The following MKI67 variants were observed in gnomAD, a reference collection of about 807,000 sequenced individuals.
MKI67 encodes the protein marker of proliferation Ki-67.
A neutral mutation model predicts 233.5 loss-of-function variants in MKI67; 152 were observed. The ratio of observed to expected loss-of-function variants is 0.65; its 90% CI spans 0.57 to 0.74. MKI67 has a LOEUF of 0.74. MKI67 is among the 30% of genes least tolerant of loss of function. The pLI is 0.00. For missense variants in MKI67, 3,940 were observed against 3,885.2 expected (o/e 1.01, Z -0.37); for synonymous variants, 1,465 against 1,418.5 (o/e 1.03, Z -0.74).
chr10:128,113,192 GACA>G (rs1852720249), intron 8 of MKI67, among the ~76,000 whole-genome samples: 2 of 147,346 alleles, frequency 1.4e-5, no homozygotes, highest in Non-Finnish European at 3.0e-5. Flanking sequence ...GCACGAAAAG[GACA>G]ACATCAAGGA....
In MKI67 at chr10:128,115,343, T is replaced by C. The variant is rs1006323830; in HGVS notation, c.1065A>G (p.Gln355=). The C allele has an allele frequency of 1.2e-6, 2 of 1,614,166 alleles. No homozygotes were observed. Among genetic ancestry groups the C allele is most frequent in the Admixed American group, 3.3e-5 (2 of 60,014 alleles). The change falls in exon 7 of 15, where the codon CAA becomes CAG. Residue 355 remains glutamine, a synonymous_variant. Coordinates refer to ENST00000368654, the MANE Select transcript of MKI67 (RefSeq NM_002417.5). ...MKTPVQYSQQ[Q]NSPQKHKNKD... ...TGTTCTTATGTTTTTGTGGAGAATT[T>C]TGTTGCTGTGAATATTGTACAGGGG...
In MKI67 at chr10:128,124,992, A is replaced by AC. The variant is rs1297606013; in HGVS notation, c.92+583dup. 3.3e-5 allele frequency among the ~76,000 whole-genome samples: 5 copies of AC among 151,604 alleles called. No homozygotes were observed. The East Asian group carries it at 5.8e-4, about 18-fold the overall frequency. ...CTGGGAAATGACCACACGGGAAATG[A>AC]CCCCCCTTCTCAGGCCTCTAGTGGG... On this transcript the variant is annotated intron_variant, in intron 2 of 14. Coordinates refer to ENST00000368654, the MANE Select transcript of MKI67 (RefSeq NM_002417.5).
Position 128,109,360 on chromosome 10 carries a change from C to G in MKI67, c.2480G>C (p.Ser827Thr). Reference sequence around the variant, plus strand: ...AATACACTGCCGTCTTAAGGGAGGGCTTGCAGAGCATTTATCAGATGGCTG... The same window carrying G: ...AATACACTGCCGTCTTAAGGGAGGGGTTGCAGAGCATTTATCAGATGGCTG... ...AKQPSDKCSA[S>T]PPLRRQCIRE... Residue 827 changes from serine to threonine, a missense_variant, in exon 13 of 15, where the codon AGC (serine) becomes ACC (threonine). Transcript: ENST00000368654. 5.0e-6 allele frequency: 8 copies of G among 1,614,166 alleles called. No individual in the cohort carries two copies. The highest frequency in any genetic ancestry group is 6.8e-6 in the Non-Finnish European group (8 of 1,180,026).
chr10:128,117,034 T>C (rs994131984), intron 5 of MKI67, among the ~76,000 whole-genome samples: 1 of 152,234 alleles, frequency 6.6e-6, no homozygotes, highest in Non-Finnish European at 1.5e-5. Context: ...AAAGTACTTA[T>C]TAGCTGACTC....
chr10:128,114,550 A>G (rs1418325210), intron 7 of MKI67, among the ~76,000 whole-genome samples: 1 of 151,580 alleles, frequency 6.6e-6, no homozygotes, highest in African/African-American at 2.4e-5. Flanking sequence ...ATTCCACATG[A>G]CCAAACTCAT....
In MKI67 at chr10:128,103,330, C is replaced by G. The variant is rs746499946; in HGVS notation, c.8510G>C (p.Ser2837Thr). 5 of 1,614,098 alleles carry G rather than the reference C, an allele frequency of 3.1e-6. No individual in the cohort carries two copies. The highest frequency in any genetic ancestry group is 1.1e-5 in the South Asian group (1 of 91,078). ...SSPELEDTAT[S>T]SKRRPRTRAQ... is the part of the protein sequence containing the mutation. Reference sequence around the variant, plus strand: ...ACGTGTCCTGGGCCGTCTCTTTGAGCTTGTTGCGGTGTCTTCTAGTTCTGG... The same window carrying G: ...ACGTGTCCTGGGCCGTCTCTTTGAGGTTGTTGCGGTGTCTTCTAGTTCTGG... The change falls in exon 13 of 15, where the codon AGC becomes ACC. Residue 2837 changes from serine to threonine, a missense_variant. Physicochemically the swap from Ser to Thr is moderately conservative, Grantham distance 58. Transcript: ENST00000368654.
intron 4 of MKI67, among the ~76,000 whole-genome samples, chr10:128,119,984 G>A (rs965786731): frequency 6.6e-6 from 1 of 152,164 alleles, no homozygotes; most frequent in Non-Finnish European, 1.5e-5. Flanking sequence ...TCAGTGAAAT[G>A]ACCTGATTTG....
At position 128,119,259 on chromosome 10, in the gene MKI67, A is replaced by G. The variant is rs763760954; in HGVS notation, c.348T>C (p.Arg116=). The G allele has an allele frequency of 4.5e-5, 72 of 1,603,806 alleles. No homozygotes were observed. The highest frequency in any genetic ancestry group is 6.1e-5 in the Non-Finnish European group (72 of 1,171,074). The change falls in exon 5 of 15, where the codon CGT becomes CGC. Residue 116 remains arginine, a synonymous_variant. Coordinates refer to ENST00000368654, the MANE Select transcript of MKI67 (RefSeq NM_002417.5). ...RKSTEFPRKI[R]EQEPARRVSR... ...CTTGGATATTTTCTATCACCTGTTC[A>G]CGTATTTTTCTTGGAAATTCAGTTG...
In MKI67 at chr10:128,103,806, G is replaced by T; in HGVS notation, c.8034C>A (p.Asp2678Glu). The T allele has an allele frequency of 3.7e-6, 6 of 1,613,588 alleles. No individual in the cohort carries two copies. Among genetic ancestry groups the T allele is most frequent in the Admixed American group, 1.7e-5 (1 of 59,980 alleles). Reference sequence around the variant, plus strand: ...CAGAGAGCTCTGTGAAGCCGGCCAGGTCTTCCAGGGGTTGGGCCTTTTCCT... The same window carrying T: ...CAGAGAGCTCTGTGAAGCCGGCCAGTTCTTCCAGGGGTTGGGCCTTTTCCT... ...APKEKAQPLE[D>E]LAGFTELSET... is the part of the protein sequence containing the mutation. The change falls in exon 13 of 15, where the codon GAC becomes GAA. Residue 2678 changes from aspartate to glutamate, a missense_variant. Coordinates refer to ENST00000368654, the MANE Select transcript of MKI67 (RefSeq NM_002417.5).
At position 128,125,766 on chromosome 10, in the gene MKI67, A is replaced by C. The variant is rs2136154450; in HGVS notation, c.-89-10T>G. ...ATTTACAACTCTTCCACTGCAAAAG[A>C]GGTGCGAGTTACTCTGATAGCAAAG... On this transcript the variant is annotated splice_polypyrimidine_tract_variant and intron_variant, in intron 1 of 14. Transcript: ENST00000368654. The surrounding 1 kb of genome is among the most constrained non-coding windows in gnomAD (Gnocchi z 5.3). 1 of 989,424 alleles carries C rather than the reference A, an allele frequency of 1.0e-6. No individual in the cohort carries two copies. The highest frequency in any genetic ancestry group is 1.6e-5 in the African/African-American group (1 of 63,110). The allele number at this position is 989,424 out of a possible 1,614,324, so 61.3% of individuals were successfully genotyped here.
chr10:128,125,448 A>G lies in MKI67; in HGVS notation c.92+128T>C, dbSNP rs1019483790. On this transcript the variant is annotated intron_variant, in intron 2 of 14. Transcript: ENST00000368654. The surrounding 1 kb of genome is among the most constrained non-coding windows in gnomAD (Gnocchi z 5.3). ...CACAACTATGTCAACTTAGTAACGAATGGGAGAAGCACCAAGGAAAAGTGA... is the reference window on the plus strand; with the variant it reads ...CACAACTATGTCAACTTAGTAACGAGTGGGAGAAGCACCAAGGAAAAGTGA... 1 of 747,660 alleles carries G rather than the reference A, an allele frequency of 1.3e-6. No homozygotes were observed. Among genetic ancestry groups the G allele is most frequent in the African/African-American group, 1.8e-5 (1 of 56,598 alleles). The allele number at this position is 747,660 out of a possible 1,614,324, so 46.3% of individuals were successfully genotyped here.
Position 128,106,992 on chromosome 10 carries a change from T to C in MKI67, c.4848A>G (p.Lys1616=). The C allele has an allele frequency of 6.2e-7, 1 of 1,613,872 alleles. No homozygotes were observed. Among genetic ancestry groups the C allele is most frequent in the Non-Finnish European group, 8.5e-7 (1 of 1,179,978 alleles). Residue 1616 remains lysine, a synonymous_variant, in exon 13 of 15, where the codon AAA becomes AAG. Transcript: ENST00000368654. ...TTTTGTCTGGGTCTGGTTGTGAAGA[T>C]TTGCAGGCTACTTTGGCAGTTTTAT... ...TNDKTAKVAC[K]SSQPDPDKNP...
chr10:128,116,491 C>T lies in MKI67; in HGVS notation c.400G>A (p.Asp134Asn). ...GGAACAAAACCCAACCACTACTCAC[C>T]AGGGTCAGAAGAGAAGCTAGATCTT... ...VSRSSFSSDP[D>N]EKAQDSKAYS... The change falls in exon 6 of 15, where the codon GAT becomes AAT. Residue 134 changes from aspartate (D) to asparagine (N), a missense_variant and splice_region_variant. Physicochemically the swap from Asp to Asn is conservative, Grantham distance 23 (BLOSUM62 1). Coordinates refer to ENST00000368654, the MANE Select transcript of MKI67 (RefSeq NM_002417.5). The T allele has an allele frequency of 1.9e-6, 3 of 1,613,940 alleles. No individual in the cohort carries two copies. The highest frequency in any genetic ancestry group is 2.5e-6 in the Non-Finnish European group (3 of 1,179,802).
At position 128,112,108 on chromosome 10, in the gene MKI67, A is replaced by G. The variant is rs1158318591; in HGVS notation, c.1969+25T>C. The G allele has an allele frequency of 4.3e-6, 7 of 1,610,926 alleles. No individual in the cohort carries two copies. In the Admixed American group the frequency reaches 8.4e-5, roughly 19 times the overall value. ...CATTCATGAAAAAATTCACCTTAAT[A>G]TATGTATTCTAATGTCAGACTAACC... On this transcript the variant is annotated intron_variant, in intron 9 of 14. Transcript: ENST00000368654.
In MKI67 at chr10:128,102,931, G is replaced by T. The variant is rs777946803; in HGVS notation, c.8909C>A (p.Pro2970His). 8 of 1,614,102 alleles carry T rather than the reference G, an allele frequency of 5.0e-6. No individual in the cohort carries two copies. The African/African-American group carries it at 8.0e-5, about 16-fold the overall frequency. The change falls in exon 13 of 15, where the codon CCC (proline) becomes CAC (histidine). Residue 2970 changes from proline to histidine, a missense_variant. By Grantham distance (77) the Pro-to-His change is moderately conservative (BLOSUM62 -2). Transcript: ENST00000368654. ...TCTGGTGCTTACCACGTCTCCCACG[G>T]GTTCTACTTTAGGGGCCCGAAGAAC... ...RRVLRAPKVEPVGDVVSTRDP... is the reference protein window; with the variant it reads ...RRVLRAPKVEHVGDVVSTRDP...
chr10:128,124,843 C>CA (rs2136153567), intron 2 of MKI67, among the ~76,000 whole-genome samples: 1 of 152,178 alleles, frequency 6.6e-6, no homozygotes, highest in South Asian at 2.1e-4. Flanking sequence ...GTAAGAAGTA[C>CA]CAAGGTGAAC....
chr10:128,106,292 C>T lies in MKI67; in HGVS notation c.5548G>A (p.Asp1850Asn), dbSNP rs200003126. The T allele has an allele frequency of 1.1e-4, 183 of 1,612,604 alleles. No individual in the cohort carries two copies. Among genetic ancestry groups the T allele is most frequent in the Non-Finnish European group, 1.5e-4 (179 of 1,179,808 alleles). The change falls in exon 13 of 15, where the codon GAT (aspartate) becomes AAT (asparagine). Residue 1850 changes from aspartate to asparagine, a missense_variant. Coordinates refer to ENST00000368654, the MANE Select transcript of MKI67 (RefSeq NM_002417.5). ...AGTATTTTTTTGGTAGTTTTCTCAT[C>T]AGTCGTGGGGTTATCAGTGCATGGT... ...QTPCTDNPTT[D>N]EKTTKKILCK...
intron 7 of MKI67, among the ~76,000 whole-genome samples, chr10:128,113,824 C>T (rs1335641722): frequency 6.6e-6 from 1 of 152,152 alleles, no homozygotes; most frequent in African/African-American, 2.4e-5. Flanking sequence ...CTGGACAGTA[C>T]AGAGGCTTTC....
At position 128,108,908 on chromosome 10, in the gene MKI67, C is replaced by G; in HGVS notation, c.2932G>C (p.Asp978His). Residue 978 changes from aspartate to histidine, a missense_variant, in exon 13 of 15, where the codon GAC (aspartate) becomes CAC (histidine). Coordinates refer to ENST00000368654, the MANE Select transcript of MKI67 (RefSeq NM_002417.5). ...AGGAGATTCTGGCCACGTGCCGTGTCTTTCATGAGTTCTGTATCAGGCAAG... is the reference window on the plus strand; with the variant it reads ...AGGAGATTCTGGCCACGTGCCGTGTGTTTCATGAGTTCTGTATCAGGCAAG... ...KSLPDTELMKDTARGQNLLQT... is the reference protein window; with the variant it reads ...KSLPDTELMKHTARGQNLLQT... 2 of 1,614,198 alleles carry G rather than the reference C, an allele frequency of 1.2e-6. No homozygotes were observed. Among genetic ancestry groups the G allele is most frequent in the Non-Finnish European group, 1.7e-6 (2 of 1,180,046 alleles).
Sources: gnomAD v4.1 joint callset for allele counts (sites outside exome capture counted in the v4.1 genomes callset) on GRCh38, gnomAD v4.1.1 for gene constraint, Gnocchi (gnomAD v3.1) non-coding constraint, MANE v1.5 for transcripts, NCBI Gene and HGNC (gene_info 2026-07-23, HGNC 2026-07-21) for gene names.